NBPF12: variants seen among roughly 807,000 people sequenced by gnomAD.
NBPF12 encodes the protein NBPF member 12, also known as NBPF family member NBPF12.
In NBPF12, 115 loss-of-function variants were observed where a neutral mutation model predicts 146.4. The ratio of observed to expected loss-of-function variants is 0.79; its 90% CI spans 0.68 to 0.92. The LOEUF (loss-of-function observed/expected upper bound fraction) is 0.92, where lower values mean the gene tolerates loss of function less well. Among genes scored for constraint, NBPF12 ranks in the 40% least tolerant of loss-of-function variants. The pLI is 0.00. For synonymous variants in NBPF12, 385 were observed against 508.9 expected (o/e 0.76, Z 3.28); for missense variants, 1,205 against 1,326.8 (o/e 0.91, Z 1.43).
At chr1:146,962,609 C>T (rs1416863039) in intron 5 of NBPF12, among the ~76,000 whole-genome samples, 2 of 151,584 alleles carry the variant, frequency 1.3e-5, no homozygotes, top group African/African-American at 4.9e-5. Flanking sequence ...GAATCACCTT[C>T]TGACTGACTG....
intron 13 of NBPF12, among the ~76,000 whole-genome samples, chr1:146,972,159 C>A (rs1225605301): frequency 6.7e-6 from 1 of 149,920 alleles, no homozygotes; most frequent in Non-Finnish European, 1.5e-5. Context: ...CTTTGGGAGG[C>A]GGAGGTAGGT....
At chr1:146,972,677 C>A in intron 13 of NBPF12, 74 bp from the exon 17 acceptor site, 1 of 1,195,452 alleles carries the variant, frequency 8.4e-7, no homozygotes, top group Non-Finnish European at 1.2e-6. Context: ...CCAGTGACAT[C>A]CCTCAGTCCT....
At chr1:146,994,368 A>T in exon 34 of NBPF12, 1 of 1,612,284 alleles carries the variant, frequency 6.2e-7, no homozygotes, top group Non-Finnish European at 8.5e-7. Flanking sequence ...AAGAGCCTGA[A>T]GTCTTGCAGG....
chr1:146,964,624 C>T (rs1656074557), intron 7 of NBPF12, among the ~76,000 whole-genome samples, 195 bp downstream of exon 10: 1 of 151,902 alleles, frequency 6.6e-6, no homozygotes, highest in Non-Finnish European at 1.5e-5. Flanking sequence ...CATGTCTGTA[C>T]CATACAGGGA....
chr1:146,954,903 G>C (rs1250760952), intron 2 of NBPF12, among the ~76,000 whole-genome samples: 5 of 83,892 alleles, frequency 6.0e-5, no homozygotes, highest in African/African-American at 3.0e-4. Flanking sequence ...ACACAAACGT[G>C]TGTGTGTGTG....
chr1:146,990,879 A>C (rs1315343633), intron 29 of NBPF12, among the ~76,000 whole-genome samples: 2 of 90,418 alleles, frequency 2.2e-5, no homozygotes, highest in African/African-American at 5.6e-5. Context: ...CACCCGGCCA[A>C]TTCGCTGAGC....
At chr1:146,989,712 G>T in exon 28 of NBPF12, 1 of 1,610,560 alleles carries the variant, frequency 6.2e-7, no homozygotes, top group Non-Finnish European at 8.5e-7. Flanking sequence ...ACGTATTGGA[G>T]CAACAGCGTG....
At chr1:146,946,512 C>CTTTTTTTTTTTTTTT (rs3071268), upstream of NBPF12, among the ~76,000 whole-genome samples, 1 of 41,042 alleles carries the variant, frequency 2.4e-5, no homozygotes, top group Non-Finnish European at 4.2e-5. Flanking sequence ...GATCTTTCAC[C>CTTTTTTTTTTTTTTT]TTTTTTTTTT....
chr1:146,940,269 C>T (rs1294627524), intron 1 of NBPF12, among the ~76,000 whole-genome samples: 1 of 151,580 alleles, frequency 6.6e-6, no homozygotes, highest in Admixed American at 6.6e-5. Context: ...AAGAAATCTT[C>T]GAAAAGTTAC....
At chr1:146,963,672 CG>C (rs1656009670) in intron 6 of NBPF12, among the ~76,000 whole-genome samples, 1 of 151,768 alleles carries the variant, frequency 6.6e-6, no homozygotes, top group African/African-American at 2.4e-5. Flanking sequence ...TTCTTAGTGT[CG>C]GTGAGTGAGT....
intron 16 of NBPF12, among the ~76,000 whole-genome samples, chr1:146,976,632 A>T (rs1384278028): frequency 1.7e-4 from 26 of 151,034 alleles, no homozygotes; most frequent in Non-Finnish European, 3.4e-4. Flanking sequence ...ATCTGGCAGG[A>T]TGGGGGAGAC....
exon 34 of NBPF12, chr1:146,995,466 A>C (rs1170320104): frequency 5.0e-5 from 6 of 120,258 alleles, no homozygotes; most frequent in Non-Finnish European, 7.2e-5. Context: ...TTGGGTTGAA[A>C]AAAAGTAAAA....
intron 18 of NBPF12, 137 bp downstream of exon 21, chr1:146,977,808 T>G: frequency 1.5e-6 from 1 of 686,474 alleles, no homozygotes; most frequent in Non-Finnish European, 2.5e-6. Flanking sequence ...GGGAGTTTTT[T>G]TGTCCTTCTC....
chr1:146,972,750 G>C lies in NBPF12; in HGVS notation c.1592-1G>C. 7.6e-7 allele frequency: 1 copy of C among 1,317,994 alleles called. No homozygotes were observed. The highest frequency in any genetic ancestry group is 1.1e-6 in the Non-Finnish European group (1 of 913,306). The allele number at this position is 1,317,994 out of a possible 1,614,324, so 81.6% of individuals were successfully genotyped here. A position where few individuals can be genotyped will look rare whatever the true frequency, so the allele number is the denominator to read the frequency against. ...CATGTGTTTGCCTTTCTTCTCCCCA[G>C]TCCCTGGCCCCACCTCTTCTGCCAC... On this transcript the variant is annotated splice_acceptor_variant, in intron 13 of 33. Coordinates refer to ENST00000617844, the Ensembl canonical transcript of NBPF12. LOFTEE classifies it high-confidence loss of function.
upstream of NBPF12, among the ~76,000 whole-genome samples, chr1:146,946,479 A>G (rs1383483264): frequency 3.3e-5 from 3 of 91,242 alleles, no homozygotes; most frequent in Non-Finnish European, 6.7e-5. Flanking sequence ...TGCCATCTGT[A>G]TATCTTATTA....
At chr1:146,962,652 C>T (rs1488729983) in intron 5 of NBPF12, among the ~76,000 whole-genome samples, 9 of 150,848 alleles carry the variant, frequency 6.0e-5, no homozygotes, top group African/African-American at 1.5e-4. Flanking sequence ...ATCAATGTTG[C>T]CTTCTTGACC....
chr1:146,950,994 C>T (rs1445578485), intron 1 of NBPF12, among the ~76,000 whole-genome samples: 2 of 151,922 alleles, frequency 1.3e-5, no homozygotes, highest in Non-Finnish European at 2.9e-5. Context: ...CATTTTTTCC[C>T]AAAGTGTTTA....
intron 10 of NBPF12, 31 bp downstream of exon 13, chr1:146,968,581 G>A (rs1359947558): frequency 2.6e-5 from 40 of 1,552,704 alleles, no homozygotes; most frequent in Non-Finnish European, 3.4e-5. Flanking sequence ...CAGGCAGGGG[G>A]GCAGGTGTGT....
At chr1:146,960,356 T>G in intron 4 of NBPF12, 38 bp downstream of exon 7, 1 of 1,485,580 alleles carries the variant, frequency 6.7e-7, no homozygotes, top group South Asian at 1.1e-5. Context: ...AAGTGATGAA[T>G]GATGTCCTGT....
Sources: allele counts gnomAD v4.1 joint callset (sites outside exome capture counted in the v4.1 genomes callset), GRCh38; gene constraint gnomAD v4.1.1; transcripts MANE v1.5; gene names NCBI Gene and HGNC (gene_info 2026-07-23, HGNC 2026-07-21).